Variants in NEK6 observed in about 807,000 individuals in gnomAD.
The protein encoded by NEK6 is serine/threonine-protein kinase Nek6.
In NEK6, 27 loss-of-function variants were observed where a neutral mutation model predicts 43.5. The ratio of observed to expected loss-of-function variants is 0.62; its 90% confidence interval spans 0.46 to 0.86. NEK6 has a LOEUF of 0.86. Ranked by LOEUF, NEK6 falls within the 40% of genes least tolerant of loss-of-function variation. The probability of loss-of-function intolerance (pLI) is 0.00; values close to 1 mark genes in which losing one functional copy is unlikely to be tolerated. For synonymous variants in NEK6, 167 were observed against 164.1 expected (o/e 1.02, Z -0.14); for missense variants, 318 against 414.4 (o/e 0.77, Z 2.02).
intron 1 of NEK6, 108 bp from the exon 2 acceptor site, chr9:124,301,828 C>G (rs748526059): frequency 1.1e-6 from 1 of 887,354 alleles, no homozygotes; most frequent in East Asian, 2.6e-5. Context: ...AATTACTGAA[C>G]GGCTTTGCAC....
intron 4 of NEK6, among the ~76,000 whole-genome samples, chr9:124,317,950 G>A (rs920885971): frequency 6.6e-5 from 10 of 152,160 alleles, no homozygotes; most frequent in African/African-American, 2.2e-4. Flanking sequence ...TTGATTCGGT[G>A]TCTTTGCTTT....
In NEK6 at chr9:124,334,619, A is replaced by G. The variant is rs1829194313; in HGVS notation, c.623-4952A>G. 1.3e-5 allele frequency among the ~76,000 whole-genome samples: 2 copies of G among 152,198 alleles called. 1 individual carries two copies. Among genetic ancestry groups the G allele is most frequent in the South Asian group, 4.1e-4 (2 of 4,836 alleles). On this transcript the variant is annotated intron_variant, in intron 7 of 9. Transcript: ENST00000320246. Reference sequence around the variant, plus strand: ...GAGGAGGTGGTGACAGAACAAAGGGACAAACCTAACGTTTGGGTCCTGCTG... The same window carrying G: ...GAGGAGGTGGTGACAGAACAAAGGGGCAAACCTAACGTTTGGGTCCTGCTG...
At chr9:124,312,360 G>A in intron 2 of NEK6, 149 bp from the exon 3 acceptor site, 1 of 925,020 alleles carries the variant, frequency 1.1e-6, no homozygotes, top group Non-Finnish European at 1.6e-6. Context: ...CCCCTGGGGG[G>A]GTGCCTGGGA....
At chr9:124,278,468 A>T (rs2118967311) in intron 1 of NEK6, among the ~76,000 whole-genome samples, 1 of 152,224 alleles carries the variant, frequency 6.6e-6, no homozygotes, top group Middle Eastern at 3.4e-3. Flanking sequence ...GTGGAGGAGA[A>T]GTTGCTCAAG....
chr9:124,284,413 A>G (rs1198104585), intron 1 of NEK6, among the ~76,000 whole-genome samples: 2 of 152,244 alleles, frequency 1.3e-5, no homozygotes, highest in African/African-American at 2.4e-5. Context: ...CTGGTGAAAC[A>G]TGAGGCCTCA....
intron 1 of NEK6, among the ~76,000 whole-genome samples, chr9:124,272,511 A>G (rs145087696): frequency 2.6e-5 from 4 of 152,386 alleles, no homozygotes; most frequent in Non-Finnish European, 4.4e-5. Flanking sequence ...TTAAAGGGCA[A>G]TCCCTGGGGA....
chr9:124,322,031 C>A (rs967111410), intron 5 of NEK6, among the ~76,000 whole-genome samples: 1 of 152,202 alleles, frequency 6.6e-6, no homozygotes, highest in African/African-American at 2.4e-5. Flanking sequence ...TCTTGTAGAT[C>A]CACTACCTCA....
intron 1 of NEK6, among the ~76,000 whole-genome samples, chr9:124,293,333 A>C (rs1253938500): frequency 2.0e-5 from 3 of 152,346 alleles, no homozygotes; most frequent in Non-Finnish European, 4.4e-5. Context: ...AGTGCCCGAC[A>C]CAGAGGAAGC....
At chr9:124,257,678 A>T (rs1260986334), upstream of NEK6, 1 of 1,532,796 alleles carries the variant, frequency 6.5e-7, no homozygotes, top group Admixed American at 2.0e-5. Flanking sequence ...CCCTCATCAT[A>T]AGTCTAGAGC....
chr9:124,340,309 C>T (rs952293869), intron 8 of NEK6, among the ~76,000 whole-genome samples: 2 of 152,184 alleles, frequency 1.3e-5, no homozygotes, highest in African/African-American at 2.4e-5. Flanking sequence ...CACACTGGGG[C>T]CCCAGGTGAT....
chr9:124,347,334 G>A (rs902750949), intron 8 of NEK6, among the ~76,000 whole-genome samples: 3 of 152,188 alleles, frequency 2.0e-5, no homozygotes, highest in Non-Finnish European at 4.4e-5. Context: ...AGGCATCTTG[G>A]AAAAATCGCG....
intron 4 of NEK6, among the ~76,000 whole-genome samples, chr9:124,317,818 C>G (rs1284743747): frequency 1.3e-5 from 2 of 152,220 alleles, no homozygotes; most frequent in East Asian, 3.8e-4. Flanking sequence ...ATAATGGCCT[C>G]CTGCTGCATC....
At chr9:124,299,997 G>A (rs1832874127) in intron 1 of NEK6, 1 of 152,206 alleles carries the variant, frequency 6.6e-6, no homozygotes, top group Non-Finnish European at 1.5e-5. Flanking sequence ...TTTTGAGAGA[G>A]CAGGTTTACC....
chr9:124,292,339 C>T (rs1832463251), intron 1 of NEK6: 2 of 1,460,232 alleles, frequency 1.4e-6, no homozygotes, highest in Admixed American at 4.8e-5. Context: ...TGGCTGCTTT[C>T]ACATTGAGTA....
chr9:124,299,740 CTG>C (rs1241217490), intron 1 of NEK6, among the ~76,000 whole-genome samples: 1 of 152,124 alleles, frequency 6.6e-6, no homozygotes, highest in Non-Finnish European at 1.5e-5. Context: ...TGACAGTGCT[CTG>C]TGTGCACAGA....
At chr9:124,292,587 C>T (rs1033459668) in intron 1 of NEK6, 1 of 1,535,424 alleles carries the variant, frequency 6.5e-7, no homozygotes, top group African/African-American at 1.4e-5. Flanking sequence ...GGGGCTGTTC[C>T]ACTTGGTCCT....
intron 1 of NEK6, among the ~76,000 whole-genome samples, chr9:124,296,142 G>A (rs1399846622): frequency 1.3e-5 from 2 of 152,270 alleles, no homozygotes; most frequent in Non-Finnish European, 2.9e-5. Context: ...CAGGCAGTGG[G>A]CATCCATCCT....
rs375093234 is a variant in NEK6, at chr9:124,326,304, C to G, written c.406-26C>G. 1.7e-5 allele frequency: 27 copies of G among 1,571,704 alleles called. No homozygotes were observed. In the African/African-American group the frequency reaches 3.5e-4, roughly 20 times the overall value. Reference sequence around the variant, plus strand: ...TCCAAGCCCGCTCACCCGGGCCTATCCCTCTGCTTGTCTCCCCCACTGCAG... The same window carrying G: ...TCCAAGCCCGCTCACCCGGGCCTATGCCTCTGCTTGTCTCCCCCACTGCAG... On this transcript the variant is annotated intron_variant, in intron 5 of 9. Coordinates refer to ENST00000320246, the MANE Select transcript of NEK6 (RefSeq NM_014397.6). This position sits in a 1 kb window ranked among gnomAD's most constrained non-coding sequence, Gnocchi z 4.5.
intron 2 of NEK6, among the ~76,000 whole-genome samples, chr9:124,308,101 G>C (rs1833351003): frequency 6.6e-6 from 1 of 152,184 alleles, no homozygotes. Flanking sequence ...CCCCCTGAAG[G>C]GGGTACTGTT....
Sources: gnomAD v4.1 joint callset for allele counts (sites outside exome capture counted in the v4.1 genomes callset) on GRCh38, gnomAD v4.1.1 for gene constraint, Gnocchi (gnomAD v3.1) non-coding constraint, MANE v1.5 for transcripts, NCBI Gene and HGNC (gene_info 2026-07-23, HGNC 2026-07-21) for gene names.